GABRB2: variants seen among roughly 807,000 people sequenced by gnomAD.
The protein encoded by GABRB2 is gamma-aminobutyric acid receptor subunit beta-2.
A neutral mutation model predicts 54.7 loss-of-function variants in GABRB2; 16 were observed. The ratio of observed to expected loss-of-function variants is 0.29; its 90% confidence interval spans 0.20 to 0.44. The LOEUF (loss-of-function observed/expected upper bound fraction) is 0.44, where lower values mean the gene tolerates loss of function less well. Ranked by LOEUF, GABRB2 falls within the 20% of genes least tolerant of loss-of-function variation. GABRB2 has a pLI of 1.00. For synonymous variants in GABRB2, 244 were observed against 233.8 expected (o/e 1.04, Z -0.40); for missense variants, 355 against 644.0 (o/e 0.55, Z 4.86).
chr5:161,479,189 T>C (rs1345318203), intron 3 of GABRB2, among the ~76,000 whole-genome samples: 3 of 152,072 alleles, frequency 2.0e-5, no homozygotes, highest in Non-Finnish European at 4.4e-5. Flanking sequence ...TTTTAAAAAA[T>C]TGACACCAAA....
At chr5:161,487,913 A>G (rs778425088) in intron 3 of GABRB2, among the ~76,000 whole-genome samples, 1 of 151,750 alleles carries the variant, frequency 6.6e-6, no homozygotes, top group African/African-American at 2.4e-5. Flanking sequence ...AGTTCCTAAC[A>G]CTGAAAAGCT....
intron 4 of GABRB2, among the ~76,000 whole-genome samples, chr5:161,445,421 GC>G (rs1369751876): frequency 2.6e-5 from 4 of 151,834 alleles, no homozygotes; most frequent in African/African-American, 9.7e-5. Context: ...AAAATTCTAA[GC>G]CCCCCAATCC....
upstream of GABRB2, chr5:161,547,025 G>C (rs1314979616): frequency 1.1e-5 from 2 of 189,198 alleles, no homozygotes; most frequent in African/African-American, 2.4e-5. Flanking sequence ...GTGTGTGTGT[G>C]TGTCCTTTTA....
chr5:161,477,002 T>C (rs10036035), intron 3 of GABRB2, among the ~76,000 whole-genome samples: 26,059 of 151,776 alleles, frequency 0.17, 3,129 homozygotes, highest in African/African-American at 0.34. Context: ...ACCTAAGGAA[T>C]GGGAGAAAAT....
chr5:161,485,943 G>A (rs570713634), intron 3 of GABRB2, among the ~76,000 whole-genome samples: 48 of 152,010 alleles, frequency 3.2e-4, no homozygotes, highest in African/African-American at 1.1e-3. Context: ...GGAAAGTACA[G>A]CCAAAAGATG....
intron 5 of GABRB2, among the ~76,000 whole-genome samples, chr5:161,390,146 T>G (rs1049538204): frequency 1.3e-5 from 2 of 152,092 alleles, no homozygotes; most frequent in South Asian, 4.1e-4. Context: ...GCCAGTTTAA[T>G]CATGTTGACC....
At chr5:161,386,867 T>C (rs1235358305) in intron 5 of GABRB2, among the ~76,000 whole-genome samples, 1 of 150,522 alleles carries the variant, frequency 6.6e-6, no homozygotes, top group African/African-American at 2.4e-5. Context: ...CAAAACATCA[T>C]AAGAGAAACA....
chr5:161,534,275 A>G (rs1760560459), intron 3 of GABRB2, among the ~76,000 whole-genome samples: 2 of 152,288 alleles, frequency 1.3e-5, no homozygotes, highest in South Asian at 4.1e-4. Context: ...ACATCTTACA[A>G]TGCACAAGAT....
intron 5 of GABRB2, among the ~76,000 whole-genome samples, chr5:161,395,251 A>G (rs1423267732): frequency 6.6e-6 from 1 of 152,098 alleles, no homozygotes; most frequent in East Asian, 1.9e-4. Context: ...AAAACACAAT[A>G]GTCCCATTTT....
intron 3 of GABRB2, among the ~76,000 whole-genome samples, chr5:161,531,467 C>T (rs1760460610): frequency 6.6e-6 from 1 of 152,062 alleles, no homozygotes; most frequent in African/African-American, 2.4e-5. Context: ...TCAAAACAAA[C>T]ACTCCCTCTT....
rs756503577 is a variant in GABRB2 at position 161,459,725 on chromosome 5, A to G, written c.357T>C (p.Asp119=). 68 of 1,613,992 alleles carry G rather than the reference A, an allele frequency of 4.2e-5. No individual in the cohort carries two copies. Among genetic ancestry groups the G allele is most frequent in the Non-Finnish European group, 5.6e-5 (66 of 1,179,998 alleles). Reference sequence around the variant, plus strand: ...ACTTCTTATCGTTCAGGAAATAGGTATCAGGCACCCAGAGCTGGTCTGCCA... The same window carrying G: ...ACTTCTTATCGTTCAGGAAATAGGTGTCAGGCACCCAGAGCTGGTCTGCCA... ...NRVADQLWVP[D]TYFLNDKKSF... The change falls in exon 4 of 10, where the codon GAT becomes GAC. Residue 119 remains aspartate (D), a synonymous_variant. Transcript: ENST00000393959.
intron 5 of GABRB2, among the ~76,000 whole-genome samples, chr5:161,344,634 T>C (rs1754264582): frequency 6.6e-6 from 1 of 152,030 alleles, no homozygotes; most frequent in Non-Finnish European, 1.5e-5. Flanking sequence ...GGAGACAGTG[T>C]GGCTATTTCT....
chr5:161,323,746 C>A (rs1758284755), intron 9 of GABRB2, among the ~76,000 whole-genome samples: 1 of 152,288 alleles, frequency 6.6e-6, no homozygotes, highest in East Asian at 1.9e-4. Flanking sequence ...TTTTCTGTTT[C>A]TTCCTCATTT....
chr5:161,400,488 T>A (rs1862426), intron 5 of GABRB2, among the ~76,000 whole-genome samples: 151,719 of 152,216 alleles, frequency 1, 75,614 homozygotes, highest in East Asian at 1. Context: ...TGTTGTGAAG[T>A]CCTAAACTGC....
intron 4 of GABRB2, among the ~76,000 whole-genome samples, chr5:161,455,614 C>T (rs1757930984): frequency 6.6e-6 from 1 of 151,132 alleles, no homozygotes; most frequent in Middle Eastern, 3.5e-3. Flanking sequence ...ATTGCAACAT[C>T]CGCCTCCTGG....
intron 9 of GABRB2, among the ~76,000 whole-genome samples, chr5:161,321,127 G>T (rs1036882034): frequency 3.3e-5 from 5 of 151,966 alleles, no homozygotes. Flanking sequence ...CTCTAGGTTG[G>T]CAATCTATGA....
chr5:161,451,753 T>A (rs925270006), intron 4 of GABRB2, among the ~76,000 whole-genome samples: 5 of 152,144 alleles, frequency 3.3e-5, no homozygotes, highest in African/African-American at 1.2e-4. Flanking sequence ...ACATTCATTG[T>A]TAATTTAAAA....
chr5:161,520,929 T>A (rs1397763230), intron 3 of GABRB2, among the ~76,000 whole-genome samples: 1 of 152,046 alleles, frequency 6.6e-6, no homozygotes, highest in Non-Finnish European at 1.5e-5. Context: ...CTGCAATACA[T>A]TGACTCACAA....
chr5:161,370,408 G>A (rs1755097999), intron 5 of GABRB2, among the ~76,000 whole-genome samples: 1 of 152,146 alleles, frequency 6.6e-6, no homozygotes, highest in Non-Finnish European at 1.5e-5. Flanking sequence ...ATAATTCTAG[G>A]AGAACTACGT....
Sources: allele counts gnomAD v4.1 joint callset (sites outside exome capture counted in the v4.1 genomes callset), GRCh38; gene constraint gnomAD v4.1.1; transcripts MANE v1.5; gene names NCBI Gene and HGNC (gene_info 2026-07-23, HGNC 2026-07-21).